OSBPL1A: variants seen among roughly 807,000 people sequenced by gnomAD.
The protein encoded by OSBPL1A is oxysterol binding protein like 1A.
In OSBPL1A, 80 loss-of-function variants were observed where a neutral mutation model predicts 137.1. That is an observed-to-expected ratio of 0.58 (90% CI 0.49 to 0.70). The LOEUF is 0.70. OSBPL1A is among the 30% of genes least tolerant of loss of function. The pLI is 0.00. For missense variants in OSBPL1A, 970 were observed against 1,129.4 expected (o/e 0.86, Z 2.02); for synonymous variants, 365 against 389.7 (o/e 0.94, Z 0.75).
At chr18:24,348,333 T>A (rs1419552301) in intron 4 of OSBPL1A, among the ~76,000 whole-genome samples, 1 of 152,226 alleles carries the variant, frequency 6.6e-6, no homozygotes, top group African/African-American at 2.4e-5. Flanking sequence ...TTTACTTGTA[T>A]CAGACACTGT....
chr18:24,176,918 C>T (rs1779571091), intron 21 of OSBPL1A, among the ~76,000 whole-genome samples: 1 of 152,174 alleles, frequency 6.6e-6, no homozygotes, highest in African/African-American at 2.4e-5. Flanking sequence ...TTGTGGTTTC[C>T]CCAACACTCT....
chr18:24,382,137 A>G (rs1304058103), intron 1 of OSBPL1A, among the ~76,000 whole-genome samples: 2 of 151,204 alleles, frequency 1.3e-5, no homozygotes, highest in Admixed American at 1.3e-4. Context: ...GCAGTGGCTC[A>G]TGCCTGTAAT....
chr18:24,281,325 C>T lies in OSBPL1A; in HGVS notation c.1175-377G>A, dbSNP rs142482709. Among the ~76,000 whole-genome samples the T allele has an allele frequency of 3.3e-3, 493 of 151,476 alleles. 1 individual carries two copies. The highest frequency in any genetic ancestry group is 0.012 in the African/African-American group (481 of 41,290). On this transcript the variant is annotated intron_variant, in intron 14 of 27. Coordinates refer to ENST00000319481, the MANE Select transcript of OSBPL1A (RefSeq NM_080597.4). ...GGCCTCAAACTCCTGACCTCATGATCTGCCCACCTTGGCCTCCCAAAGTGC... is the reference window on the plus strand; with the variant it reads ...GGCCTCAAACTCCTGACCTCATGATTTGCCCACCTTGGCCTCCCAAAGTGC...
At chr18:24,287,189 T>A (rs1306635194) in intron 14 of OSBPL1A, among the ~76,000 whole-genome samples, 1 of 152,204 alleles carries the variant, frequency 6.6e-6, no homozygotes, top group African/African-American at 2.4e-5. Context: ...GAGGAAATCT[T>A]CATCAAAGGG....
intron 18 of OSBPL1A, among the ~76,000 whole-genome samples, chr18:24,182,161 C>T (rs2086623682): frequency 6.6e-6 from 1 of 152,164 alleles, no homozygotes; most frequent in East Asian, 1.9e-4. Flanking sequence ...AGGGTACTAG[C>T]AGGCTACTGC....
At chr18:24,214,434 C>A (rs947612252) in intron 17 of OSBPL1A, among the ~76,000 whole-genome samples, 6 of 152,174 alleles carry the variant, frequency 3.9e-5, no homozygotes, top group Non-Finnish European at 8.8e-5. Context: ...CAAAAAGGAT[C>A]CAAAGCTGTC....
At chr18:24,252,812 A>G (rs2089138597) in intron 15 of OSBPL1A, among the ~76,000 whole-genome samples, 2 of 152,232 alleles carry the variant, frequency 1.3e-5, no homozygotes, top group African/African-American at 4.8e-5. Context: ...AAAAGAAGGT[A>G]AAAAGCCGGG....
chr18:24,378,599 A>T (rs1046563514), intron 1 of OSBPL1A, among the ~76,000 whole-genome samples: 10 of 152,244 alleles, frequency 6.6e-5, no homozygotes, highest in African/African-American at 1.9e-4. Context: ...GAAAAGTTAG[A>T]AACCACTCCA....
intron 5 of OSBPL1A, among the ~76,000 whole-genome samples, chr18:24,336,858 T>C (rs1186266841): frequency 1.3e-5 from 2 of 152,194 alleles, no homozygotes; most frequent in African/African-American, 4.8e-5. Flanking sequence ...GAGTAATCAA[T>C]GATTAGGGCA....
rs193272705 is a variant in OSBPL1A, at chr18:24,196,988, C to T, written c.1602-788G>A. 1.8e-3 allele frequency among the ~76,000 whole-genome samples: 268 copies of T among 152,304 alleles called. 3 individuals are homozygous for T. Among genetic ancestry groups the T allele is most frequent in the Non-Finnish European group, 2.9e-4 (20 of 68,032 alleles). On this transcript the variant is annotated intron_variant, in intron 17 of 27. Transcript: ENST00000319481. Reference sequence around the variant, plus strand: ...ATTTCCACAGATCAGAATGGCAGCACCATCAGGAATGAGGGGTGGTGCAAG... The same window carrying T: ...ATTTCCACAGATCAGAATGGCAGCATCATCAGGAATGAGGGGTGGTGCAAG...
chr18:24,228,569 G>A (rs937203289), intron 16 of OSBPL1A, among the ~76,000 whole-genome samples: 1 of 152,190 alleles, frequency 6.6e-6, no homozygotes. Flanking sequence ...CAGCAGCGGG[G>A]AAGTGTTTTG....
At chr18:24,235,132 C>T (rs1343950782) in intron 16 of OSBPL1A, among the ~76,000 whole-genome samples, 2 of 152,032 alleles carry the variant, frequency 1.3e-5, no homozygotes, top group African/African-American at 2.4e-5. Context: ...TGAGGGAATG[C>T]GATGATGTGA....
intron 17 of OSBPL1A, among the ~76,000 whole-genome samples, chr18:24,204,312 C>T (rs1416079445): frequency 6.6e-6 from 1 of 152,112 alleles, no homozygotes; most frequent in East Asian, 1.9e-4. Context: ...TTTTCATATG[C>T]TTAATGACCA....
intron 13 of OSBPL1A, among the ~76,000 whole-genome samples, chr18:24,310,815 A>G (rs932251728): frequency 6.6e-6 from 1 of 152,180 alleles, no homozygotes; most frequent in Non-Finnish European, 1.5e-5. Context: ...TTTCTTTTCA[A>G]TTAGGGAATA....
intron 27 of OSBPL1A, 58 bp downstream of exon 27, chr18:24,165,007 G>A (rs758380790): frequency 1.6e-5 from 25 of 1,558,308 alleles, no homozygotes; most frequent in Middle Eastern, 1.7e-4. Flanking sequence ...TCCCTGCCTC[G>A]TCTGCACACA....
chr18:24,390,489 C>T (rs111927397), intron 1 of OSBPL1A, among the ~76,000 whole-genome samples: 11,145 of 152,036 alleles, frequency 0.073, 519 homozygotes, highest in Non-Finnish European at 0.11. Flanking sequence ...GTCAGGAATT[C>T]GAGACCAGCC....
At chr18:24,176,675 T>C (rs975860037) in intron 21 of OSBPL1A, among the ~76,000 whole-genome samples, 1 of 152,198 alleles carries the variant, frequency 6.6e-6, no homozygotes, top group Non-Finnish European at 1.5e-5. Context: ...AAGTCCTGAC[T>C]CTCCTCCTGT....
At chr18:24,383,533 G>A (rs1024559971) in intron 1 of OSBPL1A, among the ~76,000 whole-genome samples, 4 of 152,148 alleles carry the variant, frequency 2.6e-5, no homozygotes, top group Non-Finnish European at 4.4e-5. Context: ...CAACACAGGC[G>A]GATCACAAGG....
chr18:24,271,519 T>C lies in OSBPL1A; in HGVS notation c.1281+9323A>G. The C allele has an allele frequency of 1.0e-6, 1 of 974,256 alleles. No homozygotes were observed. The highest frequency in any genetic ancestry group is 5.3e-4 in the Middle Eastern group (1 of 1,892). 60.4% of individuals were successfully genotyped at this position (974,256 alleles called of 1,614,324 possible). A position where few individuals can be genotyped will look rare whatever the true frequency, so the allele number is the denominator to read the frequency against. On this transcript the variant is annotated intron_variant, in intron 15 of 27. Transcript: ENST00000319481. This position sits in a 1 kb window ranked among gnomAD's most constrained non-coding sequence, Gnocchi z 4.0. ...CCAACTATTCTTGGATCTACTCACA[T>C]CCCTGGATCAAGTCTGGCCGCCCTC... is the stretch of plus-strand genomic sequence containing the variant.
Sources: gnomAD v4.1 joint callset for allele counts (sites outside exome capture counted in the v4.1 genomes callset) on GRCh38, gnomAD v4.1.1 for gene constraint, Gnocchi (gnomAD v3.1) non-coding constraint, MANE v1.5 for transcripts, NCBI Gene and HGNC (gene_info 2026-07-23, HGNC 2026-07-21) for gene names.